The following CNTN5 variants were observed in gnomAD, a reference collection of about 807,000 sequenced individuals.
The protein encoded by CNTN5 is contactin 5.
Under a neutral mutation model 129.1 loss-of-function variants are expected in CNTN5, and 77 were observed. That is an observed-to-expected ratio of 0.60 (90% confidence interval 0.50 to 0.72). CNTN5 has a LOEUF of 0.72. CNTN5 is among the 30% of genes least tolerant of loss of function. CNTN5 has a pLI of 0.00. For synonymous variants in CNTN5, 509 were observed against 465.6 expected (o/e 1.09, Z -1.20); for missense variants, 1,478 against 1,328.8 (o/e 1.11, Z -1.75).
At chr11:99,517,829 T>A (rs1947116561) in intron 2 of CNTN5, among the ~76,000 whole-genome samples, 1 of 152,146 alleles carries the variant, frequency 6.6e-6, no homozygotes. Flanking sequence ...TAAATGTTTT[T>A]CTTTGATCGT....
intron 3 of CNTN5, among the ~76,000 whole-genome samples, chr11:99,679,809 G>C (rs910915989): frequency 2.0e-5 from 3 of 152,204 alleles, no homozygotes; most frequent in Non-Finnish European, 4.4e-5. Flanking sequence ...TGAAAGCTAG[G>C]CCTCTTGCAT....
intron 13 of CNTN5, among the ~76,000 whole-genome samples, chr11:100,154,250 G>A (rs188458423): frequency 1.4e-4 from 21 of 152,134 alleles, no homozygotes; most frequent in Admixed American, 4.6e-4. Context: ...GGTTTTCAGC[G>A]TCATCCATGT....
chr11:99,127,017 G>A (rs1360437188), intron 1 of CNTN5, among the ~76,000 whole-genome samples: 1 of 152,058 alleles, frequency 6.6e-6, no homozygotes. Context: ...TACTATCTAT[G>A]TATTGATGAC....
chr11:99,831,277 ATCC>A (rs1947130290), intron 4 of CNTN5, among the ~76,000 whole-genome samples: 1 of 152,184 alleles, frequency 6.6e-6, no homozygotes, highest in Admixed American at 6.6e-5. Flanking sequence ...CATTTTCTGC[ATCC>A]TCCTGGTTGT....
At chr11:99,908,588 C>A (rs1307309905) in intron 6 of CNTN5, among the ~76,000 whole-genome samples, 1 of 151,984 alleles carries the variant, frequency 6.6e-6, no homozygotes, top group East Asian at 1.9e-4. Context: ...GAAATTTTAT[C>A]AAATGTATAA....
At chr11:99,996,649 A>G (rs1939464096) in intron 8 of CNTN5, among the ~76,000 whole-genome samples, 1 of 152,062 alleles carries the variant, frequency 6.6e-6, no homozygotes, top group Non-Finnish European at 1.5e-5. Context: ...CTGTTTTCAC[A>G]CTGATAAAGA....
At chr11:99,846,429 A>T in intron 6 of CNTN5, among the ~76,000 whole-genome samples, 2 of 151,796 alleles carry the variant, frequency 1.3e-5, no homozygotes, top group Middle Eastern at 6.8e-3. Context: ...AACTCTTGAA[A>T]TTATTTTACT....
chr11:99,382,669 C>CACAATCAG (rs987540222), intron 2 of CNTN5, among the ~76,000 whole-genome samples: 18 of 151,838 alleles, frequency 1.2e-4, no homozygotes, highest in African/African-American at 4.4e-4. Flanking sequence ...AGACTTATGA[C>CACAATCAG]ACAATCAGAG....
chr11:99,731,784 T>C (rs1404026191), intron 3 of CNTN5, among the ~76,000 whole-genome samples: 2 of 152,112 alleles, frequency 1.3e-5, no homozygotes, highest in Admixed American at 6.5e-5. Context: ...TATACTCCCT[T>C]AGTTACTTAA....
chr11:99,232,744 T>C (rs1011357335), intron 1 of CNTN5, among the ~76,000 whole-genome samples: 1 of 152,214 alleles, frequency 6.6e-6, no homozygotes, highest in African/African-American at 2.4e-5. Flanking sequence ...ACTGCCAAAA[T>C]GTCAGAGTGC....
At chr11:99,440,155 T>A (rs1234802892) in intron 2 of CNTN5, among the ~76,000 whole-genome samples, 1 of 152,154 alleles carries the variant, frequency 6.6e-6, no homozygotes, top group African/African-American at 2.4e-5. Flanking sequence ...TGAGGATAAT[T>A]ACATTTAGAA....
intron 1 of CNTN5, among the ~76,000 whole-genome samples, chr11:99,199,683 A>G (rs1428136281): frequency 1.3e-5 from 2 of 152,168 alleles, no homozygotes; most frequent in Admixed American, 6.5e-5. Context: ...GAAACACACA[A>G]TGTTTGTTAA....
intron 3 of CNTN5, among the ~76,000 whole-genome samples, chr11:99,614,370 C>G (rs1950691625): frequency 6.6e-6 from 1 of 152,104 alleles, no homozygotes; most frequent in South Asian, 2.1e-4. Flanking sequence ...CAAGTTCAAG[C>G]TTTCATACTT....
intron 3 of CNTN5, among the ~76,000 whole-genome samples, chr11:99,629,549 A>G (rs968919676): frequency 6.6e-6 from 1 of 151,922 alleles, no homozygotes; most frequent in Non-Finnish European, 1.5e-5. Context: ...TAAGGGGATA[A>G]GATAAAGGAA....
chr11:99,738,398 T>A (rs967417959), intron 3 of CNTN5, among the ~76,000 whole-genome samples: 3 of 152,186 alleles, frequency 2.0e-5, no homozygotes, highest in Admixed American at 1.3e-4. Context: ...AATAAACTTT[T>A]ATTGTTTAAG....
chr11:99,510,049 G>A (rs1946776943), intron 2 of CNTN5, among the ~76,000 whole-genome samples: 1 of 151,414 alleles, frequency 6.6e-6, no homozygotes, highest in South Asian at 2.1e-4. Context: ...TTCTATTATG[G>A]GGCTTAAATT....
At chr11:99,553,829 G>A (rs1948575191) in intron 2 of CNTN5, among the ~76,000 whole-genome samples, 1 of 151,802 alleles carries the variant, frequency 6.6e-6, no homozygotes, top group Admixed American at 6.6e-5. Flanking sequence ...GAATAAGGGA[G>A]GAGAGCAAAA....
intron 3 of CNTN5, among the ~76,000 whole-genome samples, chr11:99,571,665 G>C (rs1233065041): frequency 2.0e-5 from 3 of 152,046 alleles, no homozygotes; most frequent in African/African-American, 7.3e-5. Context: ...AGTAAAAGAT[G>C]CAGAAGGTTA....
At chr11:100,018,257 C>G (rs1940940504) in intron 9 of CNTN5, among the ~76,000 whole-genome samples, 1 of 151,814 alleles carries the variant, frequency 6.6e-6, no homozygotes, top group African/African-American at 2.4e-5. Context: ...TAAGCATATC[C>G]AGTACCTACC....
Sources: gnomAD v4.1 joint callset for allele counts (sites outside exome capture counted in the v4.1 genomes callset) on GRCh38, gnomAD v4.1.1 for gene constraint, MANE v1.5 for transcripts, NCBI Gene and HGNC (gene_info 2026-07-23, HGNC 2026-07-21) for gene names.